DNAH11: variants seen among roughly 807,000 people sequenced by gnomAD.
DNAH11 encodes the protein axonemal beta dynein heavy chain 11.
In DNAH11, 442 loss-of-function variants were observed where a neutral mutation model predicts 526.0. That is an observed-to-expected ratio of 0.84 (90% CI 0.78 to 0.91). DNAH11 has a LOEUF of 0.91. Ranked by LOEUF, DNAH11 falls within the 40% of genes least tolerant of loss-of-function variation. The pLI, the probability that DNAH11 is intolerant of heterozygous loss-of-function variation, is 0.00. For synonymous variants in DNAH11, 2,461 were observed against 1,935.9 expected, an observed-to-expected ratio of 1.27 and a Z score of -7.12; for missense variants, 6,989 against 5,448.7, an observed-to-expected ratio of 1.28 and a Z score of -8.90.
chr7:21,624,064 T>A lies in DNAH11; in HGVS notation c.4500+3986T>A, dbSNP rs191185677. Reference sequence around the variant, plus strand: ...GAGGGCAGAGCCCTCATGGTACCTCTTAAAGGTCTCACCTCAAACACTGTT... The same window carrying A: ...GAGGGCAGAGCCCTCATGGTACCTCATAAAGGTCTCACCTCAAACACTGTT... On this transcript the variant is annotated intron_variant, in intron 25 of 81. Coordinates refer to ENST00000409508, the MANE Select transcript of DNAH11 (RefSeq NM_001277115.2). Among the ~76,000 whole-genome samples the A allele has an allele frequency of 8.5e-5, 13 of 152,152 alleles. 1 individual carries two copies. In the East Asian group the frequency reaches 2.5e-3, roughly 29 times the overall value.
chr7:21,600,638 G>A, intron 15 of DNAH11, 38 bp from the exon 16 acceptor site: 1 of 1,540,646 alleles, frequency 6.5e-7, no homozygotes, highest in East Asian at 2.3e-5. Context: ...AAGTAAGGTT[G>A]GTTTGAATAG....
chr7:21,597,886 T>G (rs903845275), intron 14 of DNAH11, among the ~76,000 whole-genome samples: 3 of 152,220 alleles, frequency 2.0e-5, no homozygotes, highest in East Asian at 1.9e-4. Context: ...AGGGCAGCTG[T>G]GTATACTTTC....
intron 20 of DNAH11, among the ~76,000 whole-genome samples, chr7:21,608,829 A>T (rs1262143957): frequency 0.2 from 32 of 158 alleles, no homozygotes; most frequent in Non-Finnish European, 0.29. Flanking sequence ...TACATATTTA[A>T]AAGTCAGAGA....
At chr7:21,641,831 C>G (rs1254573554) in intron 28 of DNAH11, among the ~76,000 whole-genome samples, 1 of 152,206 alleles carries the variant, frequency 6.6e-6, no homozygotes, top group African/African-American at 2.4e-5. Flanking sequence ...CGTTCTAAAT[C>G]CCTGAATTCC....
chr7:21,793,581 A>T (rs1788568462), intron 61 of DNAH11, among the ~76,000 whole-genome samples: 2 of 148,164 alleles, frequency 1.3e-5, no homozygotes, highest in Admixed American at 7.0e-5. Context: ...GTGCCATTGC[A>T]CTCCAGCCTG....
chr7:21,751,620 A>C (rs928314748), intron 54 of DNAH11, among the ~76,000 whole-genome samples: 2 of 152,176 alleles, frequency 1.3e-5, no homozygotes, highest in African/African-American at 4.8e-5. Flanking sequence ...TGCGGCGGCT[A>C]TAGAGCTGGA....
chr7:21,582,379 G>A (rs1784342101), intron 9 of DNAH11, among the ~76,000 whole-genome samples: 1 of 152,110 alleles, frequency 6.6e-6, no homozygotes, highest in Non-Finnish European at 1.5e-5. Flanking sequence ...CCATTGTTTA[G>A]ATTGTTAGGT....
chr7:21,573,225 T>A (rs1783962154), intron 8 of DNAH11, among the ~76,000 whole-genome samples: 1 of 152,216 alleles, frequency 6.6e-6, no homozygotes, highest in Non-Finnish European at 1.5e-5. Context: ...GTCACAAACA[T>A]GTAGGAATAG....
intron 65 of DNAH11, among the ~76,000 whole-genome samples, chr7:21,831,758 AG>A (rs1781783198): frequency 6.6e-6 from 1 of 152,166 alleles, no homozygotes; most frequent in Admixed American, 6.5e-5. Context: ...CATCTTACGG[AG>A]GTTAACTCAG....
In DNAH11 at chr7:21,543,233, G is replaced by T. The variant is rs1405388124; in HGVS notation, c.-13G>T. On this transcript the variant is annotated 5_prime_UTR_variant, in exon 1 of 82. Transcript: ENST00000409508. ...GAGCCAGCCGGCCTCGCGTTCCCTC[G>T]GACGGTTGCCCAATGGCAGCCCAGG... 2.6e-6 allele frequency: 4 copies of T among 1,519,844 alleles called. No individual in the cohort carries two copies. The highest frequency in any genetic ancestry group is 3.5e-6 in the Non-Finnish European group (4 of 1,133,898). The allele number at this position is 1,519,844 out of a possible 1,614,324, so 94.1% of individuals were successfully genotyped here.
chr7:21,730,824 A>C (rs1027989827), intron 45 of DNAH11, among the ~76,000 whole-genome samples: 7 of 152,102 alleles, frequency 4.6e-5, no homozygotes, highest in Non-Finnish European at 7.4e-5. Context: ...TAAGAGAAAA[A>C]ATTGTAAGTA....
intron 44 of DNAH11, among the ~76,000 whole-genome samples, chr7:21,723,257 ACT>A (rs748739414): frequency 6.6e-6 from 1 of 152,096 alleles, no homozygotes; most frequent in Non-Finnish European, 1.5e-5. Context: ...AAACTATAAA[ACT>A]CTATATGGAT....
intron 25 of DNAH11, among the ~76,000 whole-genome samples, chr7:21,630,462 T>C (rs1786552851): frequency 6.6e-6 from 1 of 152,246 alleles, no homozygotes; most frequent in African/African-American, 2.4e-5. Flanking sequence ...CTATTTCAGA[T>C]TGAAGAATTT....
intron 74 of DNAH11, among the ~76,000 whole-genome samples, chr7:21,874,847 C>T (rs1170428373): frequency 7.9e-5 from 12 of 151,936 alleles, no homozygotes; most frequent in Non-Finnish European, 1.5e-4. Context: ...TTTGGAAATC[C>T]TTGGTAAATC....
intron 28 of DNAH11, among the ~76,000 whole-genome samples, chr7:21,652,429 C>G (rs887035822): frequency 2.0e-5 from 3 of 152,166 alleles, no homozygotes; most frequent in Non-Finnish European, 2.9e-5. Context: ...GATGCTCGTT[C>G]TGTACCTTAA....
chr7:21,615,306 T>G, intron 21 of DNAH11, 34 bp downstream of exon 21: 2 of 1,602,332 alleles, frequency 1.2e-6, no homozygotes, highest in Non-Finnish European at 1.7e-6. Flanking sequence ...TGCTTTTTAT[T>G]TAGTAGTTCT....
chr7:21,839,069 A>G (rs1302375980), intron 65 of DNAH11, among the ~76,000 whole-genome samples: 1 of 151,960 alleles, frequency 6.6e-6, no homozygotes, highest in African/African-American at 2.4e-5. Context: ...TAAGGCTTTG[A>G]TTTGCATTTC....
At chr7:21,782,913 AAAAAAAAAAG>A (rs1184597398) in intron 57 of DNAH11, among the ~76,000 whole-genome samples, 3 of 132,146 alleles carry the variant, frequency 2.3e-5, no homozygotes, top group Non-Finnish European at 3.4e-5. Flanking sequence ...GTCTCAAAAA[AAAAAAAAAAG>A]AAAGAAAGAA....
At chr7:21,675,728 G>A (rs577732852) in intron 30 of DNAH11, among the ~76,000 whole-genome samples, 13 of 152,268 alleles carry the variant, frequency 8.5e-5, no homozygotes, top group Admixed American at 3.3e-4. Context: ...TATGCTGGCC[G>A]CTATGCTAAG....
Sources: gnomAD v4.1 joint callset for allele counts (sites outside exome capture counted in the v4.1 genomes callset) on GRCh38, gnomAD v4.1.1 for gene constraint, MANE v1.5 for transcripts, NCBI Gene and HGNC (gene_info 2026-07-23, HGNC 2026-07-21) for gene names.